Variants in TMEM98 observed in about 807,000 individuals in gnomAD.
TMEM98 encodes transmembrane protein 98.
Under a neutral mutation model 25.0 loss-of-function variants are expected in TMEM98, and 18 were observed. That is an observed-to-expected ratio of 0.72 (90% CI 0.50 to 1.07). The LOEUF is 1.07. TMEM98 is among the 50% of genes least tolerant of loss of function. The pLI is 0.00. For missense variants in TMEM98, 241 were observed against 289.0 expected (o/e 0.83, Z 1.20); for synonymous variants, 103 against 112.4 (o/e 0.92, Z 0.53).
At position 32,931,383 on chromosome 17, in the gene TMEM98, C is replaced by T. The variant is rs370236647; in HGVS notation, c.-74C>T. On this transcript the variant is annotated 5_prime_UTR_variant, in exon 2 of 8. Coordinates refer to ENST00000579849, the MANE Select transcript of TMEM98 (RefSeq NM_015544.3). ...ACCTAGCACCTGCCATCCTCTTCCC[C>T]AATTTGCCACTTCCAGCAGGTAAGA... 6.5e-5 allele frequency: 73 copies of T among 1,124,662 alleles called. 2 individuals are homozygous for T. In the East Asian group the frequency reaches 6.9e-4, roughly 11 times the overall value. The allele number at this position is 1,124,662 out of a possible 1,614,324, so 69.7% of individuals were successfully genotyped here.
rs1033404254 is a variant in TMEM98, at chr17:32,928,195, C to T, written c.-173C>T. 1 of 147,764 alleles carries T rather than the reference C, an allele frequency of 6.8e-6. No homozygotes were observed. Among genetic ancestry groups the T allele is most frequent in the African/African-American group, 2.5e-5 (1 of 40,668 alleles). The allele number at this position is 147,764 out of a possible 1,614,324, so 9.2% of individuals were successfully genotyped here. On this transcript the variant is annotated 5_prime_UTR_variant, in exon 1 of 8. Coordinates refer to ENST00000579849, the MANE Select transcript of TMEM98 (RefSeq NM_015544.3). ...CGCGCCCGCGCCCGGACTTTGCCAT[C>T]GGCGGGGCAGTCGCGGGATGCGCCC...
chr17:32,941,595 A>G lies in TMEM98; in HGVS notation c.*602A>G, dbSNP rs531060470. 3 of 152,348 alleles carry G rather than the reference A, an allele frequency of 2.0e-5. No homozygotes were observed. In the East Asian group the frequency reaches 5.8e-4, roughly 29 times the overall value. The allele number at this position is 152,348 out of a possible 1,614,324, so 9.4% of individuals were successfully genotyped here. On this transcript the variant is annotated 3_prime_UTR_variant, in exon 8 of 8. Coordinates refer to ENST00000579849, the MANE Select transcript of TMEM98 (RefSeq NM_015544.3). The stretch of plus-strand genomic sequence containing the variant: ...TTTCTTTTTTATCTTTATGCCTGCA[A>G]TTTTACCTAGCTACCACTAGGTGGA...
In TMEM98 at chr17:32,941,315, T is replaced by G. The variant is rs2091529886; in HGVS notation, c.*322T>G. Reference sequence around the variant, plus strand: ...GAAAATTGAGCCACCGTCTAAGAAATCAAGAGGTTTCACATTAAAATTAGA... The same window carrying G: ...GAAAATTGAGCCACCGTCTAAGAAAGCAAGAGGTTTCACATTAAAATTAGA... On this transcript the variant is annotated 3_prime_UTR_variant, in exon 8 of 8. Coordinates refer to ENST00000579849, the MANE Select transcript of TMEM98 (RefSeq NM_015544.3). 1 of 196,664 alleles carries G rather than the reference T, an allele frequency of 5.1e-6. No homozygotes were observed. Among genetic ancestry groups the G allele is most frequent in the African/African-American group, 2.3e-5 (1 of 42,946 alleles). The allele number at this position is 196,664 out of a possible 1,614,324, so 12.2% of individuals were successfully genotyped here.
chr17:32,928,536 G>C (rs1392252125), intron 1 of TMEM98, among the ~76,000 whole-genome samples: 1 of 151,780 alleles, frequency 6.6e-6, no homozygotes, highest in Non-Finnish European at 1.5e-5. Flanking sequence ...CTGTCCTTGT[G>C]GTTCTGGAAC....
intron 7 of TMEM98, 29 bp downstream of exon 7, chr17:32,939,565 T>G: frequency 1.2e-6 from 2 of 1,613,178 alleles, no homozygotes; most frequent in Non-Finnish European, 1.7e-6. Context: ...GCATGTTCGG[T>G]TTTTCATGCA....
At chr17:32,933,429 G>C in intron 4 of TMEM98, 124 bp downstream of exon 4, 1 of 1,331,650 alleles carries the variant, frequency 7.5e-7, no homozygotes, top group East Asian at 2.3e-5. Flanking sequence ...GCTCTTTCCT[G>C]TGCCTTTAGT....
Position 32,942,595 on chromosome 17 carries a change from A to G in TMEM98, c.*1602A>G, listed in dbSNP as rs914010810. 1.3e-5 allele frequency: 2 copies of G among 152,226 alleles called. No homozygotes were observed. Among genetic ancestry groups the G allele is most frequent in the African/African-American group, 4.8e-5 (2 of 41,460 alleles). The allele number at this position is 152,226 out of a possible 1,614,324, so 9.4% of individuals were successfully genotyped here. The stretch of plus-strand genomic sequence containing the variant: ...CAACCTGCACAATGTACACCAAACC[A>G]CAGAACCACAGCTGGGATATGGAGT... On this transcript the variant is annotated 3_prime_UTR_variant, in exon 8 of 8. Transcript: ENST00000579849.
chr17:32,929,354 A>G (rs1191169275), intron 1 of TMEM98, among the ~76,000 whole-genome samples: 1 of 152,154 alleles, frequency 6.6e-6, no homozygotes, highest in South Asian at 2.1e-4. Context: ...AACACTCAGA[A>G]CGCACAGGAA....
Position 32,931,705 on chromosome 17 carries a change from A to G in TMEM98, c.131+46A>G, listed in dbSNP as rs775642061. On this transcript the variant is annotated intron_variant, in intron 3 of 7. Transcript: ENST00000579849. Reference sequence around the variant, plus strand: ...CAAGGAGGAGGGGTGGGCTCTAACTAAAGAAAAAGAGAGGAACACGTAGTT... The same window carrying G: ...CAAGGAGGAGGGGTGGGCTCTAACTGAAGAAAAAGAGAGGAACACGTAGTT... The G allele has an allele frequency of 1.6e-5, 25 of 1,578,264 alleles. No homozygotes were observed. In the Admixed American group the frequency reaches 4.6e-4, roughly 29 times the overall value.
At chr17:32,929,790 T>C (rs751540910) in intron 1 of TMEM98, among the ~76,000 whole-genome samples, 4 of 152,108 alleles carry the variant, frequency 2.6e-5, no homozygotes, top group Non-Finnish European at 5.9e-5. Context: ...TGCTCATCCT[T>C]CAAAACCCAG....
chr17:32,937,557 G>A (rs2091503238), intron 6 of TMEM98, among the ~76,000 whole-genome samples: 1 of 152,166 alleles, frequency 6.6e-6, no homozygotes, highest in South Asian at 2.1e-4. Flanking sequence ...CCCAGGCTCT[G>A]GGTGGGCACT....
At chr17:32,934,435 T>C (rs770143846) in intron 5 of TMEM98, 111 bp downstream of exon 5, 11 of 1,209,506 alleles carry the variant, frequency 9.1e-6, no homozygotes, top group Non-Finnish European at 1.3e-5. Context: ...GCAAGAGGCC[T>C]TTCCTTAACT....
At chr17:32,937,205 C>G (rs903938817) in intron 6 of TMEM98, among the ~76,000 whole-genome samples, 9 of 152,220 alleles carry the variant, frequency 5.9e-5, no homozygotes, top group African/African-American at 1.9e-4. Flanking sequence ...GGGAGGGCAC[C>G]TCTGTATGCC....
At position 32,941,838 on chromosome 17, in the gene TMEM98, G is replaced by T. The variant is rs1244454705; in HGVS notation, c.*845G>T. The T allele has an allele frequency of 6.6e-6, 1 of 152,278 alleles. No individual in the cohort carries two copies. The highest frequency in any genetic ancestry group is 1.5e-5 in the Non-Finnish European group (1 of 68,116). The allele number at this position is 152,278 out of a possible 1,614,324, so 9.4% of individuals were successfully genotyped here. On this transcript the variant is annotated 3_prime_UTR_variant, in exon 8 of 8. Coordinates refer to ENST00000579849, the MANE Select transcript of TMEM98 (RefSeq NM_015544.3). ...AGGCTAAGGTGGGTGGATTGCTTGA[G>T]CCCAGGAGTTTGAGACCAGCCTGGG...
At position 32,928,207 on chromosome 17, in the gene TMEM98, C is replaced by A. The variant is rs2091442412; in HGVS notation, c.-161C>A. 1 of 147,228 alleles carries A rather than the reference C, an allele frequency of 6.8e-6. No homozygotes were observed. Among genetic ancestry groups the A allele is most frequent in the African/African-American group, 2.5e-5 (1 of 40,374 alleles). The allele number at this position is 147,228 out of a possible 1,614,324, so 9.1% of individuals were successfully genotyped here. On this transcript the variant is annotated 5_prime_UTR_variant, in exon 1 of 8. Transcript: ENST00000579849. ...CGGACTTTGCCATCGGCGGGGCAGTCGCGGGATGCGCCCGGGAGCCACAGC... is the reference window on the plus strand; with the variant it reads ...CGGACTTTGCCATCGGCGGGGCAGTAGCGGGATGCGCCCGGGAGCCACAGC...
At chr17:32,934,194 T>C (rs1401812734) in intron 4 of TMEM98, 97 bp from the exon 5 acceptor site, 1 of 1,388,920 alleles carries the variant, frequency 7.2e-7, no homozygotes, top group Non-Finnish European at 1.0e-6. Context: ...TATTGGGCTG[T>C]GCCCACCGGT....
At chr17:32,932,552 C>T (rs936819268) in intron 3 of TMEM98, among the ~76,000 whole-genome samples, 4 of 152,242 alleles carry the variant, frequency 2.6e-5, no homozygotes, top group African/African-American at 7.2e-5. Context: ...ATCAGCATCT[C>T]TGTCAAGTGG....
intron 7 of TMEM98, among the ~76,000 whole-genome samples, chr17:32,940,550 A>C (rs766620272): frequency 4.6e-5 from 7 of 152,100 alleles, no homozygotes; most frequent in Non-Finnish European, 8.8e-5. Flanking sequence ...TTCTCCTTGG[A>C]GCTTTACCAG....
chr17:32,929,075 C>T (rs554252744), intron 1 of TMEM98, among the ~76,000 whole-genome samples: 6 of 151,250 alleles, frequency 4.0e-5, no homozygotes, highest in Non-Finnish European at 8.8e-5. Flanking sequence ...GAAACATACT[C>T]TGAGAAACAC....
Sources: allele counts gnomAD v4.1 joint callset (sites outside exome capture counted in the v4.1 genomes callset), GRCh38; gene constraint gnomAD v4.1.1; transcripts MANE v1.5; gene names NCBI Gene and HGNC (gene_info 2026-07-23, HGNC 2026-07-21).